KLRC1: variants seen among roughly 807,000 people sequenced by gnomAD.
KLRC1 encodes the protein killer cell lectin like receptor C1.
In KLRC1, 22 loss-of-function variants were observed where a neutral mutation model predicts 25.9. That is an observed-to-expected ratio of 0.85 (90% CI 0.61 to 1.21). The LOEUF (loss-of-function observed/expected upper bound fraction) is 1.21. KLRC1 is among the 50% of genes most tolerant of loss of function. KLRC1 has a pLI of 0.00. For missense variants in KLRC1, 240 were observed against 272.2 expected (o/e 0.88, Z 0.83); for synonymous variants, 77 against 93.1 (o/e 0.83, Z 0.99).
chr12:10,450,887 C>A, intron 2 of KLRC1, 83 bp downstream of exon 2: 2 of 974,332 alleles, frequency 2.1e-6, no homozygotes, highest in African/African-American at 1.6e-5. Context: ...GATATATGAG[C>A]ACTCCCTTCT....
At chr12:10,448,661 C>A (rs1864049697) in intron 5 of KLRC1, among the ~76,000 whole-genome samples, 1 of 152,122 alleles carries the variant, frequency 6.6e-6, no homozygotes, top group Admixed American at 6.5e-5. Flanking sequence ...CATACTACAG[C>A]AGTGAACAGT....
chr12:10,451,008 T>A lies in KLRC1; in HGVS notation c.149A>T (p.Gln50Leu), dbSNP rs1364383444. 6.2e-7 allele frequency: 1 copy of A among 1,613,604 alleles called. No individual in the cohort carries two copies. Among genetic ancestry groups the A allele is most frequent in the Admixed American group, 1.7e-5 (1 of 59,936 alleles). The change falls in exon 2 of 7, where the codon CAG (glutamine) becomes CTG (leucine). Residue 50 changes from glutamine (Q) to leucine (L), a missense_variant. Coordinates refer to ENST00000359151, the MANE Select transcript of KLRC1 (RefSeq NM_002259.5). Reference sequence around the variant, plus strand: ...GGTTTTGTCATTCCCTTGAAAATCCTGAGAAGCTTTTTGAAGGTTTAATTC... The same window carrying A: ...GGTTTTGTCATTCCCTTGAAAATCCAGAGAAGCTTTTTGAAGGTTTAATTC... ...YAELNLQKAS[Q>L]DFQGNDKTYH...
intron 1 of KLRC1, among the ~76,000 whole-genome samples, chr12:10,452,630 T>C (rs761284058): frequency 2.2e-4 from 33 of 152,170 alleles, no homozygotes; most frequent in Admixed American, 7.9e-4. Context: ...GCATGGAAAA[T>C]AAATCTTCAG....
rs772395960 is a variant in KLRC1, at chr12:10,450,470, G to A, written c.283+14C>T. 16 of 1,468,596 alleles carry A rather than the reference G, an allele frequency of 1.1e-5. 1 individual carries two copies. Among genetic ancestry groups the A allele is most frequent in the South Asian group, 8.2e-5 (7 of 85,596 alleles). The allele number at this position is 1,468,596 out of a possible 1,614,324, so 91.0% of individuals were successfully genotyped here. A position where few individuals can be genotyped will look rare whatever the true frequency, so the allele number is the denominator to read the frequency against. On this transcript the variant is annotated intron_variant, in intron 3 of 6. Coordinates refer to ENST00000359151, the MANE Select transcript of KLRC1 (RefSeq NM_002259.5). ...CGTGAAAATTCCCCTTGTAATCTTC[G>A]AAAATAGACTTACAGGGAATAACAA...
At chr12:10,453,169 G>C (rs1422212830) in intron 1 of KLRC1, 29 bp downstream of exon 1, 2 of 956,602 alleles carry the variant, frequency 2.1e-6, no homozygotes, top group East Asian at 2.3e-4. Flanking sequence ...AGGTAGGCTA[G>C]TAGAGAGTTG....
At chr12:10,454,593 T>C (rs749459838), upstream of KLRC1, 18 of 984,956 alleles carry the variant, frequency 1.8e-5, no homozygotes, top group South Asian at 4.7e-5. Flanking sequence ...GGGAGACATA[T>C]ACATCTGTAC....
upstream of KLRC1, chr12:10,454,501 G>T: frequency 2.4e-6 from 1 of 418,446 alleles, no homozygotes; most frequent in Non-Finnish European, 3.2e-6. Context: ...TCTCAATGTA[G>T]ACCCTGAAAC....
chr12:10,446,441 T>G lies in KLRC1; in HGVS notation c.*110A>C. The G allele has an allele frequency of 6.3e-6, 9 of 1,433,614 alleles. No individual in the cohort carries two copies. Among genetic ancestry groups the G allele is most frequent in the Non-Finnish European group, 6.4e-6 (7 of 1,085,626 alleles). The allele number at this position is 1,433,614 out of a possible 1,614,324, so 88.8% of individuals were successfully genotyped here. A position where few individuals can be genotyped will look rare whatever the true frequency, so the allele number is the denominator to read the frequency against. ...TTCAATAATTGATTTAGAATTTTCTTATTAGAGCAAATAACATAATTCATT... is the reference window on the plus strand; with the variant it reads ...TTCAATAATTGATTTAGAATTTTCTGATTAGAGCAAATAACATAATTCATT... On this transcript the variant is annotated 3_prime_UTR_variant, in exon 7 of 7. Coordinates refer to ENST00000359151, the MANE Select transcript of KLRC1 (RefSeq NM_002259.5).
chr12:10,451,332 T>A, intron 1 of KLRC1, 145 bp from the exon 2 acceptor site: 1 of 472,166 alleles, frequency 2.1e-6, no homozygotes, highest in Non-Finnish European at 3.5e-6. Flanking sequence ...TCTTCAAGCC[T>A]AAACACGTTT....
chr12:10,445,302 T>C (rs1363040152), downstream of KLRC1, among the ~76,000 whole-genome samples: 2 of 151,988 alleles, frequency 1.3e-5, no homozygotes, highest in Non-Finnish European at 2.9e-5. Context: ...TTTGAAAAAA[T>C]AAAAGTAGTT....
At chr12:10,445,733 T>G (rs1205620791), downstream of KLRC1, among the ~76,000 whole-genome samples, 3 of 152,128 alleles carry the variant, frequency 2.0e-5, no homozygotes, top group Non-Finnish European at 4.4e-5. Flanking sequence ...GTGGAATAAG[T>G]AGATATAAAA....
rs1235153140 is a variant in KLRC1 at position 10,449,329 on chromosome 12, T to C, written c.397A>G (p.Ile133Val). Residue 133 changes from isoleucine to valine, a missense_variant, in exon 5 of 7, where the codon ATT (isoleucine) becomes GTT (valine). Coordinates refer to ENST00000359151, the MANE Select transcript of KLRC1 (RefSeq NM_002259.5). ...TCCCAAGTTCTTCTTTCCTTACCAA[T>C]GTAGTAACAACTGTTGGAATATGTA... ...WITYSNSCYY[I>V]GKERRTWEES... The C allele has an allele frequency of 6.2e-7, 1 of 1,613,984 alleles. No individual in the cohort carries two copies. Among genetic ancestry groups the C allele is most frequent in the Admixed American group, 1.7e-5 (1 of 60,024 alleles).
In KLRC1 at chr12:10,446,496, T is replaced by G; in HGVS notation, c.*55A>C. ...GATTTATGCAATCATAATATATTTC[T>G]ATTTTAAGAAATATACAATTTATCT... On this transcript the variant is annotated 3_prime_UTR_variant, in exon 7 of 7. Coordinates refer to ENST00000359151, the MANE Select transcript of KLRC1 (RefSeq NM_002259.5). 1 of 1,534,690 alleles carries G rather than the reference T, an allele frequency of 6.5e-7. No homozygotes were observed. Among genetic ancestry groups the G allele is most frequent in the Non-Finnish European group, 8.8e-7 (1 of 1,134,036 alleles).
chr12:10,451,617 C>G (rs12302168), intron 1 of KLRC1, among the ~76,000 whole-genome samples: 25,701 of 151,538 alleles, frequency 0.17, 2,223 homozygotes, highest in Non-Finnish European at 0.18. Context: ...GATTGTGCCA[C>G]TGCACTCCAG....
downstream of KLRC1, among the ~76,000 whole-genome samples, chr12:10,444,311 T>C (rs1237267993): frequency 2.7e-5 from 4 of 146,134 alleles, no homozygotes; most frequent in African/African-American, 1.0e-4. Flanking sequence ...AGGCCAAAGG[T>C]ATTTTCATTG....
chr12:10,451,635 G>A (rs1180300786), intron 1 of KLRC1, among the ~76,000 whole-genome samples: 1 of 148,830 alleles, frequency 6.7e-6, no homozygotes, highest in African/African-American at 2.4e-5. Flanking sequence ...CAGCCTGGGC[G>A]ACAGAGTGAG....
In KLRC1 at chr12:10,450,230, AGGTTTTTC is replaced by A. The variant is rs1381086813; in HGVS notation, c.283+246_283+253del. ...AAAAATTAATTTCTATTTCTCAGTAAGGTTTTTCAGACTCCTAGAACATATTTTTGAGT... is the reference window on the plus strand; with the variant it reads ...AAAAATTAATTTCTATTTCTCAGTAAAGACTCCTAGAACATATTTTTGAGT... On this transcript the variant is annotated intron_variant, in intron 3 of 6. Transcript: ENST00000359151. 1.1e-5 allele frequency: 5 copies of A among 437,038 alleles called. No individual in the cohort carries two copies. The Admixed American group carries it at 2.1e-4, about 18-fold the overall frequency. The allele number at this position is 437,038 out of a possible 1,614,324, so 27.1% of individuals were successfully genotyped here.
At position 10,446,463 on chromosome 12, in the gene KLRC1, C is replaced by A; in HGVS notation, c.*88G>T. The A allele has an allele frequency of 1.4e-6, 2 of 1,460,582 alleles. No individual in the cohort carries two copies. Among genetic ancestry groups the A allele is most frequent in the South Asian group, 2.8e-5 (2 of 70,838 alleles). The allele number at this position is 1,460,582 out of a possible 1,614,324, so 90.5% of individuals were successfully genotyped here. A position where few individuals can be genotyped will look rare whatever the true frequency, so the allele number is the denominator to read the frequency against. ...TCTTATTAGAGCAAATAACATAATT[C>A]ATTTTAAGATTTATGCAATCATAAT... On this transcript the variant is annotated 3_prime_UTR_variant, in exon 7 of 7. Transcript: ENST00000359151.
At chr12:10,450,706 C>T (rs1864105643) in intron 2 of KLRC1, 127 bp from the exon 3 acceptor site, 2 of 651,108 alleles carry the variant, frequency 3.1e-6, no homozygotes, top group African/African-American at 3.7e-5. Flanking sequence ...ACCCTCATCT[C>T]CCATTGTAAT....
Sources: allele counts gnomAD v4.1 joint callset (sites outside exome capture counted in the v4.1 genomes callset), GRCh38; gene constraint gnomAD v4.1.1; transcripts MANE v1.5; gene names NCBI Gene and HGNC (gene_info 2026-07-23, HGNC 2026-07-21).